Variants in PLB1 observed in about 807,000 individuals in gnomAD.
PLB1 encodes phospholipase B1, also known as phospholipase B1, membrane-associated.
A neutral mutation model predicts 227.4 loss-of-function variants in PLB1; 242 were observed. The ratio of observed to expected loss-of-function variants is 1.06; its 90% CI spans 0.96 to 1.18. PLB1 has a LOEUF of 1.18. PLB1 is among the 50% of genes most tolerant of loss of function. PLB1 has a pLI of 0.00. For missense variants in PLB1, 1,858 were observed against 1,816.3 expected (o/e 1.02, Z -0.42); for synonymous variants, 757 against 682.2 (o/e 1.11, Z -1.71).
At chr2:28,519,519 G>A (rs1669237174) in intron 3 of PLB1, among the ~76,000 whole-genome samples, 186 bp from the exon 4 acceptor site, 1 of 152,162 alleles carries the variant, frequency 6.6e-6, no homozygotes. Flanking sequence ...GTGTCTTTCT[G>A]GCAGGATTCC....
At chr2:28,540,776 G>A (rs1672374357) in intron 12 of PLB1, among the ~76,000 whole-genome samples, 1 of 152,196 alleles carries the variant, frequency 6.6e-6, no homozygotes, top group African/African-American at 2.4e-5. Context: ...TCTGGGGTGG[G>A]TGAGCTGGTT....
chr2:28,507,307 C>A (rs537279046), intron 1 of PLB1, among the ~76,000 whole-genome samples: 1 of 152,188 alleles, frequency 6.6e-6, no homozygotes, highest in African/African-American at 2.4e-5. Flanking sequence ...TTATAATGAA[C>A]AGAAATTTTT....
intron 9 of PLB1, among the ~76,000 whole-genome samples, chr2:28,533,443 A>G (rs761062296): frequency 1.3e-5 from 2 of 152,182 alleles, no homozygotes; most frequent in Admixed American, 6.5e-5. Context: ...TCATGAATGT[A>G]TGCATTCATG....
chr2:28,539,244 G>A lies in PLB1; in HGVS notation c.698+66G>A, dbSNP rs905425803. The A allele has an allele frequency of 3.6e-6, 5 of 1,402,734 alleles. No individual in the cohort carries two copies. In the East Asian group the frequency reaches 1.1e-4, roughly 32 times the overall value. 86.9% of individuals were successfully genotyped at this position (1,402,734 alleles called of 1,614,324 possible). A position where few individuals can be genotyped will look rare whatever the true frequency, so the allele number is the denominator to read the frequency against. On this transcript the variant is annotated intron_variant, in intron 11 of 57. Transcript: ENST00000327757. ...GCTGTCACGTGTGCGGCCTGTGGGG[G>A]CCCTTCATGTGCCGTAATCTATGAG... is the stretch of plus-strand genomic sequence containing the variant.
intron 24 of PLB1, 58 bp from the exon 25 acceptor site, chr2:28,582,347 C>G (rs1405407888): frequency 6.7e-7 from 1 of 1,486,662 alleles, no homozygotes; most frequent in Non-Finnish European, 9.3e-7. Context: ...AGGCCCCAAA[C>G]CGAGGTGAAA....
chr2:28,553,653 A>G (rs1325567707), intron 17 of PLB1, among the ~76,000 whole-genome samples: 2 of 152,174 alleles, frequency 1.3e-5, no homozygotes, highest in East Asian at 3.9e-4. Context: ...ACATCAGCCT[A>G]GGAGCATCTG....
chr2:28,555,043 C>G (rs550173197), intron 17 of PLB1, among the ~76,000 whole-genome samples: 1 of 152,004 alleles, frequency 6.6e-6, no homozygotes, highest in African/African-American at 2.4e-5. Flanking sequence ...AGTGTTGGGC[C>G]TGCACTTCTG....
chr2:28,617,880 C>T, intron 45 of PLB1, 93 bp downstream of exon 45: 1 of 1,302,548 alleles, frequency 7.7e-7, no homozygotes, highest in South Asian at 1.2e-5. Flanking sequence ...GAGCTTTAAG[C>T]AGGACTTGCT....
intron 1 of PLB1, among the ~76,000 whole-genome samples, chr2:28,500,876 C>A (rs577113871): frequency 6.6e-6 from 1 of 152,350 alleles, no homozygotes; most frequent in East Asian, 1.9e-4. Context: ...AGAGCCTCTT[C>A]AAGGTAACTT....
chr2:28,587,667 C>T (rs1247967375), intron 26 of PLB1, among the ~76,000 whole-genome samples: 3 of 152,112 alleles, frequency 2.0e-5, no homozygotes, highest in Non-Finnish European at 4.4e-5. Flanking sequence ...ATCACAGACT[C>T]CACTGTCACT....
intron 43 of PLB1, among the ~76,000 whole-genome samples, chr2:28,608,663 C>G (rs548021067): frequency 6.6e-6 from 1 of 152,342 alleles, no homozygotes; most frequent in African/African-American, 2.4e-5. Flanking sequence ...CACTCCTTTC[C>G]TAACCCCAGG....
At chr2:28,629,748 C>G (rs1046617749) in intron 53 of PLB1, among the ~76,000 whole-genome samples, 2 of 152,138 alleles carry the variant, frequency 1.3e-5, no homozygotes, top group African/African-American at 4.8e-5. Flanking sequence ...TGGGGCCTGT[C>G]CTTGATAGCT....
chr2:28,636,035 G>GTGTGTGTATGTATA (rs1553467806), intron 56 of PLB1, among the ~76,000 whole-genome samples: 1 of 151,408 alleles, frequency 6.6e-6, no homozygotes, highest in Non-Finnish European at 1.5e-5. Context: ...GTGTATGTGT[G>GTGTGTGTATGTATA]TGTGTGTATG....
At chr2:28,522,602 G>A (rs35704090) in intron 4 of PLB1, among the ~76,000 whole-genome samples, 64 of 152,230 alleles carry the variant, frequency 4.2e-4, no homozygotes, top group Non-Finnish European at 6.6e-4. Context: ...GGAAATCTCC[G>A]CCCAGCGTTG....
chr2:28,566,096 G>A (rs1417882945), intron 19 of PLB1, among the ~76,000 whole-genome samples: 1 of 152,178 alleles, frequency 6.6e-6, no homozygotes. Context: ...CAGGTTTGGT[G>A]TTTCCTCACC....
intron 4 of PLB1, among the ~76,000 whole-genome samples, chr2:28,523,999 T>G (rs1172706122): frequency 6.6e-6 from 1 of 152,212 alleles, no homozygotes; most frequent in South Asian, 2.1e-4. Flanking sequence ...GGGAGATTTA[T>G]CTCCTGTCTC....
chr2:28,526,074 G>A, intron 6 of PLB1, 129 bp downstream of exon 6: 1 of 1,065,280 alleles, frequency 9.4e-7, no homozygotes, highest in Non-Finnish European at 1.4e-6. Flanking sequence ...AAAGGGGACG[G>A]TGTTCTGAGA....
intron 1 of PLB1, among the ~76,000 whole-genome samples, chr2:28,510,731 C>T (rs551278880): frequency 2.0e-5 from 3 of 146,864 alleles, no homozygotes; most frequent in African/African-American, 7.6e-5. Flanking sequence ...TCAAGTGATC[C>T]TCCTGAGTAG....
intron 17 of PLB1, among the ~76,000 whole-genome samples, chr2:28,555,940 C>T (rs1675036038): frequency 6.6e-6 from 1 of 150,794 alleles, no homozygotes; most frequent in Non-Finnish European, 1.5e-5. Flanking sequence ...GCGATCTCAC[C>T]TCACTGCAGC....
Sources: gnomAD v4.1 joint callset for allele counts (sites outside exome capture counted in the v4.1 genomes callset) on GRCh38, gnomAD v4.1.1 for gene constraint, MANE v1.5 for transcripts, NCBI Gene and HGNC (gene_info 2026-07-23, HGNC 2026-07-21) for gene names.